LRP1B: variants seen among roughly 807,000 people sequenced by gnomAD.
The protein encoded by LRP1B is LDL receptor related protein 1B.
LRP1B carries 217 observed loss-of-function variants against 556.6 expected under a neutral mutation model. The observed-to-expected ratio is 0.39, with a 90% CI of 0.35 to 0.44. The LOEUF (loss-of-function observed/expected upper bound fraction) is 0.44, where lower values mean the gene tolerates loss of function less well. Ranked by LOEUF, LRP1B falls within the 20% of genes least tolerant of loss-of-function variation. The pLI is 1.00. For synonymous variants in LRP1B, 2,047 were observed against 1,865.8 expected (o/e 1.10, Z -2.50); for missense variants, 5,053 against 5,620.8 (o/e 0.90, Z 3.23).
rs536238233 is a variant in LRP1B at position 141,537,540 on chromosome 2, T to A, written c.206-57007A>T. Among the ~76,000 whole-genome samples the A allele has an allele frequency of 1.4e-3, 219 of 152,284 alleles. 2 individuals carry two copies. The highest frequency in any genetic ancestry group is 5.1e-3 in the African/African-American group (211 of 41,582). ...AGTCTAAAGAAAATTAACCTGAATA[T>A]CAATTTCACATAAAACTGTGTAACT... On this transcript the variant is annotated intron_variant, in intron 2 of 90. Transcript: ENST00000389484.
At chr2:141,319,033 T>C (rs1023627464) in intron 3 of LRP1B, among the ~76,000 whole-genome samples, 7 of 152,056 alleles carry the variant, frequency 4.6e-5, no homozygotes, top group African/African-American at 1.7e-4. Flanking sequence ...ACAACAAGTC[T>C]TCCAATTGTA....
At chr2:140,376,443 T>C (rs954940488) in intron 68 of LRP1B, among the ~76,000 whole-genome samples, 41 of 152,324 alleles carry the variant, frequency 2.7e-4, no homozygotes, top group African/African-American at 9.4e-4. Context: ...GCCAAGATAT[T>C]TTCATGGATG....
chr2:142,125,849 CA>C, intron 1 of LRP1B, among the ~76,000 whole-genome samples: 1 of 151,874 alleles, frequency 6.6e-6, no homozygotes, highest in East Asian at 1.9e-4. Context: ...CTGCCAAAAC[CA>C]AAAGAAAAAC....
intron 1 of LRP1B, among the ~76,000 whole-genome samples, chr2:142,117,276 C>T (rs1707304777): frequency 6.6e-6 from 1 of 152,088 alleles, no homozygotes; most frequent in Non-Finnish European, 1.5e-5. Context: ...TCTCTGCATC[C>T]ACGTTCTCTC....
At chr2:141,373,017 C>T (rs1179301941) in intron 3 of LRP1B, among the ~76,000 whole-genome samples, 1 of 152,012 alleles carries the variant, frequency 6.6e-6, no homozygotes, top group African/African-American at 2.4e-5. Context: ...ATAAACTTAG[C>T]ACTAGGTTTT....
At chr2:140,622,988 G>A (rs2105255639) in intron 41 of LRP1B, among the ~76,000 whole-genome samples, 1 of 152,210 alleles carries the variant, frequency 6.6e-6, no homozygotes, top group East Asian at 1.9e-4. Flanking sequence ...AGTCAGAAAT[G>A]GAGAAATGAA....
At chr2:140,890,878 A>G (rs1693777338) in intron 23 of LRP1B, among the ~76,000 whole-genome samples, 1 of 152,048 alleles carries the variant, frequency 6.6e-6, no homozygotes, top group Admixed American at 6.6e-5. Flanking sequence ...ATAAATGAAG[A>G]ATTTTCTAGT....
intron 2 of LRP1B, among the ~76,000 whole-genome samples, chr2:141,722,384 A>G (rs190708529): frequency 4.6e-5 from 7 of 152,038 alleles, no homozygotes; most frequent in African/African-American, 9.6e-5. Context: ...TCTTGGGGGG[A>G]AAAAATGGTC....
chr2:142,094,659 A>G (rs1221264162), intron 1 of LRP1B, among the ~76,000 whole-genome samples: 1 of 151,998 alleles, frequency 6.6e-6, no homozygotes, highest in Non-Finnish European at 1.5e-5. Context: ...CTTAAAAATG[A>G]CTTTCTGTCC....
chr2:142,022,617 A>C (rs1228400237), intron 1 of LRP1B, among the ~76,000 whole-genome samples: 1 of 149,956 alleles, frequency 6.7e-6, no homozygotes, highest in Non-Finnish European at 1.5e-5. Flanking sequence ...TTAATGAACA[A>C]ATCTCATTAC....
chr2:141,207,667 T>C (rs562128958), intron 6 of LRP1B, among the ~76,000 whole-genome samples: 107 of 129,400 alleles, frequency 8.3e-4, no homozygotes, highest in African/African-American at 4.0e-3. Flanking sequence ...GTTTTTGTTT[T>C]TGTTTTTGTT....
chr2:141,596,717 G>A (rs1302213768), intron 2 of LRP1B, among the ~76,000 whole-genome samples: 1 of 151,934 alleles, frequency 6.6e-6, no homozygotes, highest in East Asian at 1.9e-4. Context: ...AGACTTCAGT[G>A]CAAAGCACAG....
intron 2 of LRP1B, among the ~76,000 whole-genome samples, chr2:141,744,250 A>T (rs997309106): frequency 7.2e-5 from 11 of 152,062 alleles, no homozygotes; most frequent in Non-Finnish European, 1.5e-4. Context: ...TCTACTTGTC[A>T]TTCAGGAGCA....
intron 3 of LRP1B, among the ~76,000 whole-genome samples, chr2:141,423,206 G>A (rs1416046996): frequency 6.6e-6 from 1 of 150,674 alleles, no homozygotes; most frequent in African/African-American, 2.4e-5. Context: ...CACATGTATT[G>A]CATTGGCTGA....
intron 35 of LRP1B, among the ~76,000 whole-genome samples, chr2:140,762,901 C>CT (rs945188141): frequency 3.9e-5 from 6 of 152,010 alleles, no homozygotes; most frequent in African/African-American, 1.4e-4. Flanking sequence ...AAGAAAAGCA[C>CT]TTTTTCAAGT....
At chr2:140,904,071 G>C (rs1694180323) in intron 22 of LRP1B, among the ~76,000 whole-genome samples, 1 of 151,860 alleles carries the variant, frequency 6.6e-6, no homozygotes, top group South Asian at 2.1e-4. Context: ...CTCCATGAGG[G>C]TACAGAAAAT....
chr2:142,048,066 T>C (rs1161168772), intron 1 of LRP1B, among the ~76,000 whole-genome samples: 1 of 34,572 alleles, frequency 2.9e-5, no homozygotes, highest in African/African-American at 6.6e-5. Flanking sequence ...ACTATTCTAC[T>C]ATATCATAAG....
intron 23 of LRP1B, among the ~76,000 whole-genome samples, chr2:140,892,870 G>C (rs953623845): frequency 1.3e-5 from 2 of 152,002 alleles, no homozygotes; most frequent in African/African-American, 2.4e-5. Context: ...AGACAGTGCT[G>C]ACTAAAAAAG....
chr2:141,669,193 C>T (rs12622952), intron 2 of LRP1B, among the ~76,000 whole-genome samples: 1 of 151,998 alleles, frequency 6.6e-6, no homozygotes, highest in Non-Finnish European at 1.5e-5. Flanking sequence ...AATGGGGTCA[C>T]TAGGTTGTGC....
Sources: allele counts gnomAD v4.1 joint callset (sites outside exome capture counted in the v4.1 genomes callset), GRCh38; gene constraint gnomAD v4.1.1; transcripts MANE v1.5; gene names NCBI Gene and HGNC (gene_info 2026-07-23, HGNC 2026-07-21).